The following NR3C2 variants were observed in gnomAD, a reference collection of about 807,000 sequenced individuals.
The protein encoded by NR3C2 is mineralocorticoid receptor.
NR3C2 carries 15 observed loss-of-function variants against 86.4 expected under a neutral mutation model. That is an observed-to-expected ratio of 0.17 (90% CI 0.12 to 0.27). NR3C2 has a LOEUF of 0.27. Ranked by LOEUF, NR3C2 falls within the 10% of genes least tolerant of loss-of-function variation. The pLI is 1.00. For missense variants in NR3C2, 960 were observed against 1,195.6 expected, an observed-to-expected ratio of 0.80 and a Z score of 2.91; for synonymous variants, 458 against 450.5, an observed-to-expected ratio of 1.02 and a Z score of -0.21.
intron 4 of NR3C2, among the ~76,000 whole-genome samples, chr4:148,186,544 T>C (rs752799584): frequency 1.3e-5 from 2 of 152,184 alleles, no homozygotes; most frequent in Non-Finnish European, 2.9e-5. Flanking sequence ...ACTTATCCCC[T>C]GCTCTGAGAT....
At chr4:148,114,402 T>A in intron 7 of NR3C2, 141 bp from the exon 8 acceptor site, 1 of 830,618 alleles carries the variant, frequency 1.2e-6, no homozygotes, top group Non-Finnish European at 1.9e-6. Flanking sequence ...GGCAGCTGTC[T>A]ACTGGCAAAT....
chr4:148,356,015 A>C (rs963797976), intron 2 of NR3C2, among the ~76,000 whole-genome samples: 1 of 152,214 alleles, frequency 6.6e-6, no homozygotes, highest in Non-Finnish European at 1.5e-5. Flanking sequence ...ACTAGTATCT[A>C]ACAAGTGGCA....
chr4:148,336,789 A>T (rs13133487), intron 2 of NR3C2, among the ~76,000 whole-genome samples: 99,036 of 152,078 alleles, frequency 0.65, 33,770 homozygotes, highest in Non-Finnish European at 0.75. Context: ...CCAAGTTTTG[A>T]TTTGTTTTTT....
At chr4:148,337,552 A>T (rs984882145) in intron 2 of NR3C2, among the ~76,000 whole-genome samples, 1 of 152,242 alleles carries the variant, frequency 6.6e-6, no homozygotes, top group Non-Finnish European at 1.5e-5. Flanking sequence ...AGTTTCAAAT[A>T]TATTTAACAA....
chr4:148,112,036 CTT>C (rs1055108284), intron 8 of NR3C2, among the ~76,000 whole-genome samples: 4 of 152,050 alleles, frequency 2.6e-5, no homozygotes, highest in African/African-American at 9.7e-5. Flanking sequence ...CTTTGGGAAA[CTT>C]TGCATAAAAT....
chr4:148,192,608 T>C (rs572528989), intron 4 of NR3C2, among the ~76,000 whole-genome samples: 1 of 149,614 alleles, frequency 6.7e-6, no homozygotes, highest in Non-Finnish European at 1.5e-5. Context: ...GGTGGGGGTA[T>C]GGCTAGGCAC....
Position 148,408,599 on chromosome 4 carries a change from T to A in NR3C2, c.1757+26505A>T, listed in dbSNP as rs61756957. Among the ~76,000 whole-genome samples the A allele has an allele frequency of 8.0e-3, 1,217 of 152,274 alleles. 4 individuals carry two copies. Among genetic ancestry groups the A allele is most frequent in the Non-Finnish European group, 0.013 (916 of 68,010 alleles). ...CTTATAATTCAAAGATACTTTCTTT[T>A]ACAAAAAATGCTGAACCACATTTCT... On this transcript the variant is annotated intron_variant, in intron 2 of 8. Coordinates refer to ENST00000358102, the MANE Select transcript of NR3C2 (RefSeq NM_000901.5).
intron 8 of NR3C2, among the ~76,000 whole-genome samples, chr4:148,110,979 C>T (rs1262787979): frequency 6.6e-6 from 1 of 152,134 alleles, no homozygotes; most frequent in Non-Finnish European, 1.5e-5. Context: ...ATACAGAAAA[C>T]AATCATCAAC....
chr4:148,209,886 A>G (rs983467078), intron 3 of NR3C2, among the ~76,000 whole-genome samples: 4 of 151,938 alleles, frequency 2.6e-5, no homozygotes, highest in Admixed American at 1.3e-4. Context: ...CACTCCCCCA[A>G]TCCATGATAC....
At chr4:148,444,254 TGAG>T (rs1237606157), upstream of NR3C2, 3 of 985,400 alleles carry the variant, frequency 3.0e-6, no homozygotes, top group African/African-American at 3.5e-5. Context: ...TTATCTCCTT[TGAG>T]GAGGGCCGGT....
chr4:148,208,060 T>C (rs1290838700), intron 3 of NR3C2: 1 of 152,254 alleles, frequency 6.6e-6, no homozygotes, highest in Non-Finnish European at 1.5e-5. Context: ...GGAACTACTG[T>C]ACACTTAAAA....
At chr4:148,276,054 T>TA (rs1198941222) in intron 2 of NR3C2, among the ~76,000 whole-genome samples, 11 of 152,314 alleles carry the variant, frequency 7.2e-5, no homozygotes, top group Middle Eastern at 3.4e-3. Flanking sequence ...TACAATGTGT[T>TA]AAAATCATTC....
At chr4:148,279,124 T>C (rs572332586) in intron 2 of NR3C2, among the ~76,000 whole-genome samples, 109 of 152,192 alleles carry the variant, frequency 7.2e-4, no homozygotes, top group African/African-American at 2.4e-3. Context: ...GATTTCACCA[T>C]TGCACTCCAG....
chr4:148,378,748 G>A (rs988415372), intron 2 of NR3C2, among the ~76,000 whole-genome samples: 11 of 152,262 alleles, frequency 7.2e-5, no homozygotes, highest in Middle Eastern at 3.4e-3. Flanking sequence ...CTGCAGAATC[G>A]TGAGCCAATT....
In NR3C2 at chr4:148,412,344, T is replaced by C. The variant is rs534159913; in HGVS notation, c.1757+22760A>G. Among the ~76,000 whole-genome samples the C allele has an allele frequency of 5.3e-4, 81 of 152,324 alleles. 1 individual carries two copies. In the South Asian group the frequency reaches 0.015, roughly 29 times the overall value. Reference sequence around the variant, plus strand: ...CACTTATTTTCCTGGGACTGACTTATTCCTAAAATTACAGTGAAAATTGGT... The same window carrying C: ...CACTTATTTTCCTGGGACTGACTTACTCCTAAAATTACAGTGAAAATTGGT... On this transcript the variant is annotated intron_variant, in intron 2 of 8. Coordinates refer to ENST00000358102, the MANE Select transcript of NR3C2 (RefSeq NM_000901.5).
In NR3C2 at chr4:148,255,448, C is replaced by G. The variant is rs551168107; in HGVS notation, c.1897+4530G>C. On this transcript the variant is annotated intron_variant, in intron 3 of 8. Coordinates refer to ENST00000358102, the MANE Select transcript of NR3C2 (RefSeq NM_000901.5). ...GATTAACTTGTAATTGTATCTTTTACAGCCATTTAGTTTCAAGATATAGAC... is the reference window on the plus strand; with the variant it reads ...GATTAACTTGTAATTGTATCTTTTAGAGCCATTTAGTTTCAAGATATAGAC... Among the ~76,000 whole-genome samples the G allele has an allele frequency of 2.0e-5, 3 of 152,306 alleles. No individual in the cohort carries two copies. The East Asian group carries it at 5.8e-4, about 29-fold the overall frequency.
At chr4:148,341,421 G>C (rs543202695) in intron 2 of NR3C2, among the ~76,000 whole-genome samples, 3 of 152,274 alleles carry the variant, frequency 2.0e-5, no homozygotes, top group Admixed American at 6.5e-5. Context: ...ATCTCATGGA[G>C]ATAGTTGATT....
At chr4:148,198,148 C>T (rs1230256262) in intron 3 of NR3C2, among the ~76,000 whole-genome samples, 2 of 151,822 alleles carry the variant, frequency 1.3e-5, no homozygotes, top group Non-Finnish European at 2.9e-5. Context: ...AGCAAAAATG[C>T]CTTATGGACT....
At chr4:148,393,976 T>C (rs1747724954) in intron 2 of NR3C2, among the ~76,000 whole-genome samples, 1 of 152,204 alleles carries the variant, frequency 6.6e-6, no homozygotes, top group Non-Finnish European at 1.5e-5. Flanking sequence ...GAAGTGACAC[T>C]GTGTGTGTCC....
Sources: gnomAD v4.1 joint callset for allele counts (sites outside exome capture counted in the v4.1 genomes callset) on GRCh38, gnomAD v4.1.1 for gene constraint, MANE v1.5 for transcripts, NCBI Gene and HGNC (gene_info 2026-07-23, HGNC 2026-07-21) for gene names.